Variants in SUN3 observed in about 807,000 individuals in gnomAD.
SUN3 encodes the protein Sad1 and UNC84 domain containing 3.
A neutral mutation model predicts 48.2 loss-of-function variants in SUN3; 36 were observed. The observed-to-expected ratio is 0.75, with a 90% CI of 0.57 to 0.99. The LOEUF (loss-of-function observed/expected upper bound fraction) is 0.99, where lower values mean the gene tolerates loss of function less well. Among genes scored for constraint, SUN3 ranks in the 50% least tolerant of loss-of-function variants. The pLI, the probability that SUN3 is intolerant of heterozygous loss-of-function variation, is 0.00. For synonymous variants in SUN3, 148 were observed against 147.9 expected (o/e 1.00, Z 0.00); for missense variants, 419 against 433.1 (o/e 0.97, Z 0.29).
rs1264559920 is a variant in SUN3 at position 48,025,904 on chromosome 7, T to C, written c.157A>G (p.Met53Val). Residue 53 changes from methionine (M) to valine (V), a missense_variant, in exon 2 of 10, where the codon ATG becomes GTG. By Grantham distance (21) the Met-to-Val change is conservative (BLOSUM62 1). Transcript: ENST00000297325. The stretch of plus-strand genomic sequence containing the variant: ...ACAAGAAGAAAAGTCAGTGTAAGCA[T>C]TGTACTTAGAATAATCTTCCATGAT... Reference protein sequence around the residue: ...TRSWKIILSTMLTLTFLLVGL... With the variant: ...TRSWKIILSTVLTLTFLLVGL... 1.2e-6 allele frequency: 2 copies of C among 1,603,340 alleles called. No individual in the cohort carries two copies. Among genetic ancestry groups the C allele is most frequent in the Admixed American group, 1.7e-5 (1 of 59,164 alleles).
chr7:47,994,373 G>A lies in SUN3; in HGVS notation c.803C>T (p.Ser268Leu), dbSNP rs914247591. ...GTTTCCTGACGGAGACACCTTCTCT[G>A]AGATGTGCTCCATGGTAACAGCAGT... ...IPTAVTMEHI[S>L]EKVSPSGNIS... Residue 268 changes from serine (S) to leucine (L), a missense_variant, in exon 8 of 10, where the codon TCA becomes TTA. Transcript: ENST00000297325. 1.2e-6 allele frequency: 2 copies of A among 1,613,688 alleles called. No individual in the cohort carries two copies. The highest frequency in any genetic ancestry group is 1.3e-5 in the African/African-American group (1 of 74,920).
At chr7:48,009,123 AAT>A (rs779807365) in intron 3 of SUN3, 48 bp from the exon 4 acceptor site, 1 of 1,561,628 alleles carries the variant, frequency 6.4e-7, no homozygotes, top group Admixed American at 1.9e-5. Context: ...TGCTTATTCA[AAT>A]AGAGTCTTTT....
At chr7:48,021,889 C>A (rs1057203503) in intron 2 of SUN3, among the ~76,000 whole-genome samples, 1 of 152,056 alleles carries the variant, frequency 6.6e-6, no homozygotes, top group Non-Finnish European at 1.5e-5. Flanking sequence ...ATAAACACAG[C>A]TGATATATGA....
chr7:48,008,114 A>G (rs2881992), intron 4 of SUN3, among the ~76,000 whole-genome samples: 70,720 of 151,892 alleles, frequency 0.47, 17,215 homozygotes, highest in African/African-American at 0.62. Context: ...GTGAGCCACC[A>G]CGCCCGGCCA....
At chr7:48,006,457 G>A (rs1481609291) in intron 5 of SUN3, among the ~76,000 whole-genome samples, 1 of 152,144 alleles carries the variant, frequency 6.6e-6, no homozygotes, top group African/African-American at 2.4e-5. Context: ...TGGGAATCAA[G>A]GCAGTTTACA....
intron 3 of SUN3, among the ~76,000 whole-genome samples, chr7:48,016,135 A>G (rs999837060): frequency 9.2e-5 from 14 of 152,042 alleles, no homozygotes; most frequent in African/African-American, 4.8e-5. Flanking sequence ...CACCCAGGCC[A>G]GTAATCTGAC....
intron 3 of SUN3, among the ~76,000 whole-genome samples, chr7:48,010,809 T>G (rs1459548926): frequency 2.6e-5 from 4 of 152,148 alleles, no homozygotes; most frequent in Admixed American, 1.3e-4. Context: ...TTTGAAACAA[T>G]GGAAATTTAT....
At chr7:48,025,825 G>T in intron 2 of SUN3, 52 bp downstream of exon 2, 1 of 1,235,520 alleles carries the variant, frequency 8.1e-7, no homozygotes, top group Non-Finnish European at 1.2e-6. Context: ...CTCTCACCAG[G>T]CAGACATAAC....
chr7:48,023,847 C>T (rs1371494470), intron 2 of SUN3, among the ~76,000 whole-genome samples: 2 of 152,296 alleles, frequency 1.3e-5, no homozygotes, highest in East Asian at 3.9e-4. Flanking sequence ...TCAAAGTAAT[C>T]TTTATCAAAA....
At chr7:47,999,158 TTTTTA>T (rs1243154142) in intron 6 of SUN3, among the ~76,000 whole-genome samples, 2 of 152,190 alleles carry the variant, frequency 1.3e-5, no homozygotes, top group Non-Finnish European at 2.9e-5. Flanking sequence ...ATTTAAATCT[TTTTTA>T]TTTATTTCAT....
intron 6 of SUN3, among the ~76,000 whole-genome samples, 173 bp downstream of exon 6, chr7:48,005,796 A>T (rs1006662506): frequency 6.6e-6 from 1 of 151,978 alleles, no homozygotes; most frequent in South Asian, 2.1e-4. Flanking sequence ...GCACTCAGCA[A>T]TCAGTAGTGA....
At chr7:47,992,652 A>G (rs1428852621) in intron 8 of SUN3, among the ~76,000 whole-genome samples, 1 of 152,140 alleles carries the variant, frequency 6.6e-6, no homozygotes, top group Non-Finnish European at 1.5e-5. Flanking sequence ...CTACCTAACA[A>G]GGCTGGAGCA....
chr7:48,029,015 GAA>G lies in SUN3; in HGVS notation c.-79_-78del. 6.3e-7 allele frequency: 1 copy of G among 1,594,662 alleles called. No homozygotes were observed. The highest frequency in any genetic ancestry group is 8.5e-7 in the Non-Finnish European group (1 of 1,171,470). On this transcript the variant is annotated 5_prime_UTR_variant, in exon 1 of 10. It removes the in-frame stop codon of an upstream open reading frame in the 5' UTR. Transcript: ENST00000297325. ...CTCATTCCTATTTTATGAAAAACATGAAGCTATACATACAGTTTCTAAATTTG... is the reference window on the plus strand; with the variant it reads ...CTCATTCCTATTTTATGAAAAACATGGCTATACATACAGTTTCTAAATTTG...
Position 48,017,287 on chromosome 7 carries a change from T to C in SUN3, c.263A>G (p.Tyr88Cys). ...SRQLYAIIAE[Y>C]GSRLYKYQAR... ...CTGATATTTATAAAGCCTTGAACCA[T>C]ATTCTGCAATTATGGCATATAATTG... Residue 88 changes from tyrosine to cysteine, a missense_variant, in exon 3 of 10, where the codon TAT (tyrosine) becomes TGT (cysteine). Coordinates refer to ENST00000297325, the MANE Select transcript of SUN3 (RefSeq NM_001030019.2). The C allele has an allele frequency of 6.2e-7, 1 of 1,601,492 alleles. No individual in the cohort carries two copies. Among genetic ancestry groups the C allele is most frequent in the South Asian group, 1.1e-5 (1 of 89,720 alleles).
chr7:47,987,318 G>A lies in SUN3; in HGVS notation c.*12C>T. 6.2e-7 allele frequency: 1 copy of A among 1,609,044 alleles called. No homozygotes were observed. Among genetic ancestry groups the A allele is most frequent in the Non-Finnish European group, 8.5e-7 (1 of 1,177,360 alleles). ...TTCTGGACATGTGGCATGGCCTTCT[G>A]TACCAACTCTTCTAGATGTGCTTGC... On this transcript the variant is annotated 3_prime_UTR_variant, in exon 10 of 10. Coordinates refer to ENST00000297325, the MANE Select transcript of SUN3 (RefSeq NM_001030019.2).
intron 3 of SUN3, among the ~76,000 whole-genome samples, chr7:48,010,826 G>T (rs561295369): frequency 6.6e-6 from 1 of 152,096 alleles, no homozygotes; most frequent in Non-Finnish European, 1.5e-5. Context: ...TTATTCTGTC[G>T]CTGTTCTGGA....
chr7:48,009,010 G>T, intron 4 of SUN3, 25 bp downstream of exon 4: 1 of 1,604,290 alleles, frequency 6.2e-7, no homozygotes, highest in Non-Finnish European at 8.5e-7. Flanking sequence ...CCAAAAAGAG[G>T]CATATAGCAA....
chr7:48,011,547 T>C (rs1304664701), intron 3 of SUN3, among the ~76,000 whole-genome samples: 1 of 152,262 alleles, frequency 6.6e-6, no homozygotes, highest in Non-Finnish European at 1.5e-5. Flanking sequence ...TTTCACATTC[T>C]GTTTGAGCAA....
chr7:48,013,689 T>C (rs1166599976), intron 3 of SUN3, among the ~76,000 whole-genome samples: 1 of 152,226 alleles, frequency 6.6e-6, no homozygotes. Context: ...AAATAATATC[T>C]AAAGGCAAGG....
Sources: gnomAD v4.1 joint callset for allele counts (sites outside exome capture counted in the v4.1 genomes callset) on GRCh38, gnomAD v4.1.1 for gene constraint, MANE v1.5 for transcripts, NCBI Gene and HGNC (gene_info 2026-07-23, HGNC 2026-07-21) for gene names.